ABCA13: variants seen among roughly 807,000 people sequenced by gnomAD.
The protein encoded by ABCA13 is ATP-binding cassette sub-family A member 13.
ABCA13 carries 476 observed loss-of-function variants against 478.7 expected under a neutral mutation model. The observed-to-expected ratio is 0.99, with a 90% confidence interval of 0.92 to 1.07. The LOEUF (loss-of-function observed/expected upper bound fraction) is 1.07. Ranked by LOEUF, ABCA13 falls within the 50% of genes least tolerant of loss-of-function variation. The pLI is 0.00. For missense variants in ABCA13, 6,060 were observed against 5,910.6 expected (o/e 1.03, Z -0.83); for synonymous variants, 2,252 against 2,158.9 (o/e 1.04, Z -1.20).
At chr7:48,244,470 C>T (rs1389657761) in intron 10 of ABCA13, 106 bp from the exon 11 acceptor site, 1 of 1,361,624 alleles carries the variant, frequency 7.3e-7, no homozygotes, top group East Asian at 2.5e-5. Context: ...AGTGAACACA[C>T]TTCTCAAAGC....
At chr7:48,297,824 G>T (rs890109292) in intron 22 of ABCA13, among the ~76,000 whole-genome samples, 5 of 151,060 alleles carry the variant, frequency 3.3e-5, no homozygotes, top group African/African-American at 1.2e-4. Context: ...CACCCAGCTG[G>T]AGTACAGTGG....
intron 16 of ABCA13, among the ~76,000 whole-genome samples, chr7:48,269,574 G>A (rs893690729): frequency 6.6e-6 from 1 of 152,196 alleles, no homozygotes; most frequent in African/African-American, 2.4e-5. Context: ...GTCTGGTTAT[G>A]AATAGTGTGT....
intron 3 of ABCA13, among the ~76,000 whole-genome samples, chr7:48,209,501 TTTC>T (rs1489181352): frequency 6.6e-6 from 1 of 152,176 alleles, no homozygotes; most frequent in Non-Finnish European, 1.5e-5. Flanking sequence ...GTCCTGAGCT[TTTC>T]TTTGATGGGG....
At chr7:48,243,838 T>A (rs77725860) in intron 10 of ABCA13, among the ~76,000 whole-genome samples, 4,508 of 152,286 alleles carry the variant, frequency 0.03, 213 homozygotes, top group African/African-American at 0.1. Flanking sequence ...GCTTTTCTCC[T>A]TCTGTAGCTT....
intron 15 of ABCA13, among the ~76,000 whole-genome samples, chr7:48,256,406 C>G (rs1004991194): frequency 2.6e-5 from 4 of 152,088 alleles, no homozygotes; most frequent in Admixed American, 6.6e-5. Context: ...CCTAGGTTAT[C>G]TTCCAGGATA....
chr7:48,584,320 T>C (rs1457639983), intron 56 of ABCA13, among the ~76,000 whole-genome samples: 2 of 152,232 alleles, frequency 1.3e-5, no homozygotes, highest in African/African-American at 2.4e-5. Context: ...CCACTGTTAG[T>C]ACAGCAGGTC....
chr7:48,487,604 C>G (rs898492154), intron 47 of ABCA13, among the ~76,000 whole-genome samples: 9 of 152,134 alleles, frequency 5.9e-5, no homozygotes, highest in African/African-American at 2.2e-4. Flanking sequence ...TATTTTTTCC[C>G]TAAATTTGAA....
At chr7:48,490,804 A>G (rs942499907) in intron 48 of ABCA13, among the ~76,000 whole-genome samples, 2 of 152,200 alleles carry the variant, frequency 1.3e-5, no homozygotes, top group Non-Finnish European at 2.9e-5. Context: ...TAAGCAATGG[A>G]CAGGCTTTAC....
At chr7:48,270,329 T>C (rs1795430271) in intron 16 of ABCA13, among the ~76,000 whole-genome samples, 1 of 152,204 alleles carries the variant, frequency 6.6e-6, no homozygotes. Context: ...TGAACTAAGA[T>C]AGTAGTTGTG....
chr7:48,560,624 T>A (rs955884654), intron 55 of ABCA13, among the ~76,000 whole-genome samples: 17 of 152,186 alleles, frequency 1.1e-4, no homozygotes, highest in African/African-American at 3.9e-4. Flanking sequence ...CTATTGTGAT[T>A]TTTGATGAGA....
chr7:48,488,790 C>T (rs1829575789), intron 47 of ABCA13, among the ~76,000 whole-genome samples: 1 of 152,086 alleles, frequency 6.6e-6, no homozygotes, highest in Non-Finnish European at 1.5e-5. Context: ...TCTCCATGCT[C>T]AGCAAATGTT....
intron 48 of ABCA13, among the ~76,000 whole-genome samples, chr7:48,494,822 T>G (rs747597067): frequency 6.6e-6 from 1 of 152,164 alleles, no homozygotes; most frequent in Non-Finnish European, 1.5e-5. Context: ...TGAATTTTCA[T>G]TGGATGCAGT....
chr7:48,276,081 T>C lies in ABCA13; in HGVS notation c.6415T>C (p.Ser2139Pro), dbSNP rs1796264921. 6.2e-7 allele frequency: 1 copy of C among 1,602,656 alleles called. No homozygotes were observed. The highest frequency in any genetic ancestry group is 1.1e-5 in the South Asian group (1 of 89,412). Residue 2139 changes from serine (S) to proline (P), a missense_variant, in exon 17 of 62, where the codon TCC becomes CCC. Physicochemically the swap from Ser to Pro is moderately conservative, Grantham distance 74. Coordinates refer to ENST00000435803, the MANE Select transcript of ABCA13 (RefSeq NM_152701.5). ...TCAGGAATATGCAAATGAGGATTAC[T>C]CCAGAATGATAGAAACATTATTCAT... ...WLQEYANEDY[S>P]RMIETLFIPV...
chr7:48,521,399 T>C (rs1832535841), intron 53 of ABCA13, among the ~76,000 whole-genome samples: 1 of 152,220 alleles, frequency 6.6e-6, no homozygotes, highest in African/African-American at 2.4e-5. Context: ...GAATTATTTT[T>C]CCTTTCAGCC....
At chr7:48,346,235 A>G (rs1434988673) in intron 29 of ABCA13, among the ~76,000 whole-genome samples, 1 of 152,208 alleles carries the variant, frequency 6.6e-6, no homozygotes, top group South Asian at 2.1e-4. Flanking sequence ...TCTCCCAATT[A>G]TATGCATGAT....
chr7:48,274,642 C>T lies in ABCA13; in HGVS notation c.4976C>T (p.Ala1659Val), dbSNP rs1416532863. ...TSPQNAGYMQ[A>V]LKKVTSVMRT... ...CCACAAAATGCAGGTTATATGCAAG[C>T]TTTGAAGAAGGTAACTTCTGTCATG... Residue 1659 changes from alanine (A) to valine (V), a missense_variant, in exon 17 of 62, where the codon GCT (alanine) becomes GTT (valine). Coordinates refer to ENST00000435803, the MANE Select transcript of ABCA13 (RefSeq NM_152701.5). 6.2e-6 allele frequency: 10 copies of T among 1,613,974 alleles called. No homozygotes were observed. The highest frequency in any genetic ancestry group is 8.5e-6 in the Non-Finnish European group (10 of 1,179,840).
At chr7:48,578,311 T>C (rs1286485678) in intron 55 of ABCA13, among the ~76,000 whole-genome samples, 1 of 152,136 alleles carries the variant, frequency 6.6e-6, no homozygotes, top group East Asian at 1.9e-4. Flanking sequence ...TGATTATATA[T>C]GTAGAAACTC....
chr7:48,536,757 T>C (rs1833612357), intron 55 of ABCA13, among the ~76,000 whole-genome samples: 1 of 152,130 alleles, frequency 6.6e-6, no homozygotes, highest in African/African-American at 2.4e-5. Flanking sequence ...TATCCACCTA[T>C]CCTTAGCTTT....
intron 43 of ABCA13, among the ~76,000 whole-genome samples, chr7:48,464,000 G>T (rs1176392761): frequency 6.6e-6 from 1 of 152,122 alleles, no homozygotes; most frequent in African/African-American, 2.4e-5. Flanking sequence ...CATTAGGAGT[G>T]TGTATTTGTT....
Sources: gnomAD v4.1 joint callset for allele counts (sites outside exome capture counted in the v4.1 genomes callset) on GRCh38, gnomAD v4.1.1 for gene constraint, MANE v1.5 for transcripts, NCBI Gene and HGNC (gene_info 2026-07-23, HGNC 2026-07-21) for gene names.